RLF: variants seen among roughly 807,000 people sequenced by gnomAD.
RLF encodes RLF zinc finger, also known as zinc finger protein Rlf.
A neutral mutation model predicts 162.9 loss-of-function variants in RLF; 7 were observed. That is an observed-to-expected ratio of 0.04 (90% CI 0.02 to 0.08). The LOEUF is 0.08. Ranked by LOEUF, RLF falls within the 10% of genes least tolerant of loss-of-function variation. The pLI is 1.00. For synonymous variants in RLF, 782 were observed against 791.5 expected (o/e 0.99, Z 0.20); for missense variants, 1,664 against 2,244.7 (o/e 0.74, Z 5.23).
intron 5 of RLF, among the ~76,000 whole-genome samples, chr1:40,205,050 G>A (rs909084242): frequency 1.3e-5 from 2 of 152,150 alleles, no homozygotes; most frequent in Non-Finnish European, 2.9e-5. Context: ...CTCCCTTAAG[G>A]ATAATGCTAC....
intron 4 of RLF, among the ~76,000 whole-genome samples, chr1:40,197,156 G>A (rs545091392): frequency 6.6e-6 from 1 of 152,064 alleles, no homozygotes; most frequent in Admixed American, 6.6e-5. Flanking sequence ...GAGAAGATGG[G>A]CATAAAGGCA....
At chr1:40,230,473 C>T (rs1340282810) in intron 6 of RLF, among the ~76,000 whole-genome samples, 1 of 152,046 alleles carries the variant, frequency 6.6e-6, no homozygotes, top group Non-Finnish European at 1.5e-5. Flanking sequence ...GCTCTGTCGC[C>T]TAGGCTGGAG....
At chr1:40,170,094 A>G (rs1398861698) in intron 1 of RLF, among the ~76,000 whole-genome samples, 4 of 152,154 alleles carry the variant, frequency 2.6e-5, no homozygotes, top group African/African-American at 9.7e-5. Flanking sequence ...ACATTTTGCC[A>G]TATTCTAAAG....
At chr1:40,214,576 A>G (rs1642899822) in intron 5 of RLF, among the ~76,000 whole-genome samples, 1 of 152,172 alleles carries the variant, frequency 6.6e-6, no homozygotes, top group Non-Finnish European at 1.5e-5. Context: ...AGAATCTGCA[A>G]ATAGTGAGGC....
chr1:40,200,110 A>T (rs1303133394), intron 4 of RLF, among the ~76,000 whole-genome samples: 12 of 152,192 alleles, frequency 7.9e-5, no homozygotes, highest in Admixed American at 7.9e-4. Flanking sequence ...TTGACTACAT[A>T]TTAGAGTATC....
chr1:40,183,505 G>C (rs14404), intron 1 of RLF, among the ~76,000 whole-genome samples: 7,909 of 152,186 alleles, frequency 0.052, 601 homozygotes, highest in African/African-American at 0.17. Context: ...GTAAACTCGG[G>C]AAGAAGGCCA....
intron 5 of RLF, among the ~76,000 whole-genome samples, chr1:40,215,266 A>G (rs1642911297): frequency 6.6e-6 from 1 of 152,194 alleles, no homozygotes; most frequent in African/African-American, 2.4e-5. Flanking sequence ...GACTTAAACA[A>G]TACTGTAAAC....
chr1:40,188,942 A>G, intron 1 of RLF, 113 bp from the exon 2 acceptor site: 1 of 562,644 alleles, frequency 1.8e-6, no homozygotes, highest in South Asian at 3.1e-5. Flanking sequence ...GGCAAATAAA[A>G]GGTATATGCA....
intron 7 of RLF, among the ~76,000 whole-genome samples, chr1:40,232,136 AG>A (rs1285698129): frequency 6.6e-6 from 1 of 151,818 alleles, no homozygotes; most frequent in Non-Finnish European, 1.5e-5. Flanking sequence ...TGAACAGGGA[AG>A]GCGGAGGTTG....
chr1:40,180,313 C>A (rs908676452), intron 1 of RLF, among the ~76,000 whole-genome samples: 2 of 152,106 alleles, frequency 1.3e-5, no homozygotes, highest in Admixed American at 6.6e-5. Flanking sequence ...GGCTGGAGTG[C>A]AGTCACATGA....
At chr1:40,208,578 G>A (rs908274288) in intron 5 of RLF, among the ~76,000 whole-genome samples, 1 of 152,196 alleles carries the variant, frequency 6.6e-6, no homozygotes, top group Non-Finnish European at 1.5e-5. Flanking sequence ...ACTTTGGGAT[G>A]CTGAGGAGGG....
chr1:40,172,824 ACTCT>A (rs1570515229), intron 1 of RLF, among the ~76,000 whole-genome samples: 4 of 152,126 alleles, frequency 2.6e-5, no homozygotes, highest in African/African-American at 9.7e-5. Context: ...ACTTGCCTGT[ACTCT>A]ATCCTGGGCA....
rs185891284 is a variant in RLF, at chr1:40,240,182, T to C, written c.5480T>C (p.Ile1827Thr). The C allele has an allele frequency of 1.1e-5, 17 of 1,614,190 alleles. No homozygotes were observed. In the East Asian group the frequency reaches 3.6e-4, roughly 34 times the overall value. ...AATGACAGTGAACCTGAAGTTGACA[T>C]ACCTCATTCTTCCAGTGACTCTACA... Reference protein sequence around the residue: ...MVNDSEPEVDIPHSSSDSTIH... With the variant: ...MVNDSEPEVDTPHSSSDSTIH... The change falls in exon 8 of 8, where the codon ATA (isoleucine) becomes ACA (threonine). Residue 1827 changes from isoleucine (I) to threonine (T), a missense_variant. By Grantham distance (89) the Ile-to-Thr change is moderately conservative. Transcript: ENST00000372771.
intron 4 of RLF, among the ~76,000 whole-genome samples, chr1:40,196,420 G>A (rs59395739): frequency 0.052 from 7,917 of 151,868 alleles, 600 homozygotes; most frequent in African/African-American, 0.17. Context: ...CATGAAAAAA[G>A]TTTTTTTTAT....
chr1:40,182,385 G>C (rs1437137075), intron 1 of RLF, among the ~76,000 whole-genome samples: 3 of 152,102 alleles, frequency 2.0e-5, no homozygotes, highest in Non-Finnish European at 2.9e-5. Flanking sequence ...AGTGAGCGCA[G>C]ATTGCGCCAC....
Position 40,231,612 on chromosome 1 carries a change from A to G in RLF, c.1043A>G (p.Lys348Arg). The change falls in exon 7 of 8, where the codon AAA (lysine) becomes AGA (arginine). Residue 348 changes from lysine (K) to arginine (R), a missense_variant. This residue lies in a region of RLF where 287 missense variants were observed against 404.9 expected (regional missense o/e 0.71). Transcript: ENST00000372771. The stretch of plus-strand genomic sequence containing the variant: ...TGTCGTCAGTTTGGTGTCATAGCTA[A>G]AACGCAGCAGCATTTATTTTGCCTC... ...ERCRQFGVIAKTQQHLFCLIR... is the reference protein window; with the variant it reads ...ERCRQFGVIARTQQHLFCLIR... 1 of 1,614,112 alleles carries G rather than the reference A, an allele frequency of 6.2e-7. No homozygotes were observed. Among genetic ancestry groups the G allele is most frequent in the Non-Finnish European group, 8.5e-7 (1 of 1,180,012 alleles).
chr1:40,238,092 G>A lies in RLF; in HGVS notation c.3390G>A (p.Glu1130=). The change falls in exon 8 of 8, where the codon GAG becomes GAA. Residue 1130 remains glutamate (E), a synonymous_variant. Coordinates refer to ENST00000372771, the MANE Select transcript of RLF (RefSeq NM_012421.4). The surrounding 1 kb of genome is among the most constrained non-coding windows in gnomAD (Gnocchi z 5.2). ...TGGCGGCTAAGCCGTTTTTCTGTGA[G>A]CTTCAAGGATGCAAATATGAATTTG... ...AQLAAKPFFC[E]LQGCKYEFVT... 1.2e-6 allele frequency: 2 copies of A among 1,614,020 alleles called. No homozygotes were observed. The highest frequency in any genetic ancestry group is 1.7e-6 in the Non-Finnish European group (2 of 1,179,972).
Position 40,239,400 on chromosome 1 carries a change from T to G in RLF, c.4698T>G (p.Ile1566Met). 6.2e-7 allele frequency: 1 copy of G among 1,613,976 alleles called. No individual in the cohort carries two copies. The highest frequency in any genetic ancestry group is 8.5e-7 in the Non-Finnish European group (1 of 1,180,034). ...CLSVVKLESSIVRHYKRTHQM... is the reference protein window; with the variant it reads ...CLSVVKLESSMVRHYKRTHQM... Reference sequence around the variant, plus strand: ...CTGTGGTGAAGTTGGAGAGCAGCATTGTGAGGCATTACAAACGCACTCATC... The same window carrying G: ...CTGTGGTGAAGTTGGAGAGCAGCATGGTGAGGCATTACAAACGCACTCATC... The change falls in exon 8 of 8, where the codon ATT (isoleucine) becomes ATG (methionine). Residue 1566 changes from isoleucine (I) to methionine (M), a missense_variant. Ile to Met is a conservative substitution (Grantham distance 10). Coordinates refer to ENST00000372771, the MANE Select transcript of RLF (RefSeq NM_012421.4).
At chr1:40,214,826 G>GGTGGGAGGATCACTTGAGC (rs1642903245) in intron 5 of RLF, among the ~76,000 whole-genome samples, 1 of 149,314 alleles carries the variant, frequency 6.7e-6, no homozygotes, top group South Asian at 2.1e-4. Flanking sequence ...ATGAGACTGA[G>GGTGGGAGGATCACTTGAGC]GTGGGAGGAT....
Sources: allele counts gnomAD v4.1 joint callset (sites outside exome capture counted in the v4.1 genomes callset), GRCh38; gene constraint gnomAD v4.1.1; regional missense constraint gnomAD v4.1.1; non-coding constraint Gnocchi (gnomAD v3.1); transcripts MANE v1.5; gene names NCBI Gene and HGNC (gene_info 2026-07-23, HGNC 2026-07-21).